ROBO2: variants seen among roughly 807,000 people sequenced by gnomAD.
The protein encoded by ROBO2 is roundabout guidance receptor 2, also known as roundabout homolog 2.
Under a neutral mutation model 160.8 loss-of-function variants are expected in ROBO2, and 53 were observed. That is an observed-to-expected ratio of 0.33 (90% CI 0.26 to 0.41). The LOEUF (loss-of-function observed/expected upper bound fraction) is 0.41, where lower values mean the gene tolerates loss of function less well. ROBO2 is among the 10% of genes least tolerant of loss of function. The pLI, the probability that ROBO2 is intolerant of heterozygous loss-of-function variation, is 1.00. For synonymous variants in ROBO2, 664 were observed against 611.7 expected, an observed-to-expected ratio of 1.09 and a Z score of -1.26; for missense variants, 1,577 against 1,722.4, an observed-to-expected ratio of 0.92 and a Z score of 1.49.
chr3:76,753,420 A>G (rs947153361), intron 2 of ROBO2, among the ~76,000 whole-genome samples: 1 of 151,856 alleles, frequency 6.6e-6, no homozygotes, highest in Non-Finnish European at 1.5e-5. Context: ...TCAATAATGT[A>G]TGAATCCAAT....
intron 2 of ROBO2, among the ~76,000 whole-genome samples, chr3:76,643,395 C>T (rs73120429): frequency 0.03 from 4,535 of 152,190 alleles, 80 homozygotes; most frequent in Middle Eastern, 0.071. Context: ...TCTGAGATTA[C>T]AGTTTTTTAA....
intron 2 of ROBO2, among the ~76,000 whole-genome samples, chr3:76,938,603 G>A (rs1367494486): frequency 2.6e-5 from 4 of 152,054 alleles, no homozygotes; most frequent in Admixed American, 6.6e-5. Flanking sequence ...CAGGTGGCTA[G>A]CCAGCTGCTC....
At chr3:76,139,637 T>G (rs1169985135) in intron 2 of ROBO2, among the ~76,000 whole-genome samples, 1 of 152,086 alleles carries the variant, frequency 6.6e-6, no homozygotes, top group East Asian at 1.9e-4. Flanking sequence ...ATGACCTCTG[T>G]GGGTCTCTTC....
intron 2 of ROBO2, among the ~76,000 whole-genome samples, chr3:76,593,638 T>C (rs2108852009): frequency 6.6e-6 from 1 of 152,206 alleles, no homozygotes; most frequent in South Asian, 2.1e-4. Context: ...TTAGATATTT[T>C]GATGAATGAA....
rs140024613 is a variant in ROBO2 at position 77,165,994 on chromosome 3, C to T, written c.388+67654C>T. 6.2e-3 allele frequency among the ~76,000 whole-genome samples: 950 copies of T among 152,276 alleles called. 11 individuals carry two copies. Among genetic ancestry groups the T allele is most frequent in the African/African-American group, 0.02 (833 of 41,554 alleles). ...TCTATCTCTCTCTGTATGTACAACACGTACCATTTGAGTGTGTTATTTGCA... is the reference window on the plus strand; with the variant it reads ...TCTATCTCTCTCTGTATGTACAACATGTACCATTTGAGTGTGTTATTTGCA... On this transcript the variant is annotated intron_variant, in intron 2 of 25. Coordinates refer to ENST00000461745, the Ensembl canonical transcript of ROBO2.
chr3:76,191,487 C>T (rs1303544063), intron 2 of ROBO2, among the ~76,000 whole-genome samples: 6 of 69,968 alleles, frequency 8.6e-5, no homozygotes, highest in South Asian at 8.5e-4. Flanking sequence ...TCAGACATCC[C>T]GTTATTAAAG....
chr3:76,897,645 C>G (rs1348337615), intron 2 of ROBO2, among the ~76,000 whole-genome samples: 2 of 151,652 alleles, frequency 1.3e-5, no homozygotes, highest in Non-Finnish European at 2.9e-5. Context: ...TGCTTCTTTC[C>G]TTTGGTGAAT....
intron 2 of ROBO2, among the ~76,000 whole-genome samples, chr3:76,066,458 A>G (rs1004136762): frequency 1.3e-5 from 2 of 152,126 alleles, no homozygotes; most frequent in African/African-American, 4.8e-5. Flanking sequence ...AATATTTTTT[A>G]TAATGAACCA....
chr3:77,019,876 C>G (rs1254263238), intron 2 of ROBO2, among the ~76,000 whole-genome samples: 1 of 152,118 alleles, frequency 6.6e-6, no homozygotes, highest in African/African-American at 2.4e-5. Flanking sequence ...AACTTTGGAT[C>G]CCAGATTCAG....
chr3:77,006,137 TA>T (rs1345676749), intron 2 of ROBO2, among the ~76,000 whole-genome samples: 5 of 152,102 alleles, frequency 3.3e-5, no homozygotes, highest in African/African-American at 1.2e-4. Context: ...ACATCAGTAG[TA>T]CAAGTAGTCT....
At chr3:76,491,011 G>C (rs2079790076) in intron 2 of ROBO2, among the ~76,000 whole-genome samples, 1 of 151,868 alleles carries the variant, frequency 6.6e-6, no homozygotes, top group African/African-American at 2.4e-5. Flanking sequence ...TCAGGCTGGA[G>C]TGCAGTGGTG....
intron 2 of ROBO2, among the ~76,000 whole-genome samples, chr3:77,428,304 T>C (rs2078405844): frequency 6.6e-6 from 1 of 151,958 alleles, no homozygotes; most frequent in South Asian, 2.1e-4. Flanking sequence ...TGTAATATTT[T>C]GTGTTTGAGG....
At chr3:77,627,537 A>G (rs2095056324) in intron 23 of ROBO2, among the ~76,000 whole-genome samples, 1 of 151,910 alleles carries the variant, frequency 6.6e-6, no homozygotes, top group South Asian at 2.1e-4. Flanking sequence ...TGCCCATTTT[A>G]GCCTCCCAGA....
chr3:77,460,893 A>G (rs2082170527), intron 2 of ROBO2, among the ~76,000 whole-genome samples: 1 of 152,116 alleles, frequency 6.6e-6, no homozygotes, highest in Admixed American at 6.5e-5. Flanking sequence ...TAAGGTACTG[A>G]TGTATTATGA....
intron 2 of ROBO2, among the ~76,000 whole-genome samples, chr3:76,021,474 A>G (rs17013671): frequency 2.6e-5 from 4 of 151,736 alleles, no homozygotes; most frequent in Non-Finnish European, 5.9e-5. Flanking sequence ...AAGCTCTGCC[A>G]TACCTGTATC....
At chr3:76,399,965 A>G (rs1436604809) in intron 2 of ROBO2, among the ~76,000 whole-genome samples, 9 of 151,690 alleles carry the variant, frequency 5.9e-5, no homozygotes. Context: ...TTTACTCCAT[A>G]AATTCAGGGT....
chr3:76,893,167 G>A (rs1483907502), intron 2 of ROBO2, among the ~76,000 whole-genome samples: 1 of 151,702 alleles, frequency 6.6e-6, no homozygotes, highest in Non-Finnish European at 1.5e-5. Flanking sequence ...AGTTATTTTT[G>A]CAATGTTATC....
intron 2 of ROBO2, among the ~76,000 whole-genome samples, chr3:77,190,421 T>C (rs2081725273): frequency 6.6e-6 from 1 of 152,040 alleles, no homozygotes; most frequent in South Asian, 2.1e-4. Context: ...AACGATATTG[T>C]CTGAGTGCTC....
intron 2 of ROBO2, among the ~76,000 whole-genome samples, chr3:76,056,386 A>G (rs1452002303): frequency 1.3e-5 from 2 of 152,204 alleles, no homozygotes; most frequent in African/African-American, 4.8e-5. Context: ...AACCCTGCTT[A>G]TAAAACCTTT....
Sources: allele counts gnomAD v4.1 joint callset (sites outside exome capture counted in the v4.1 genomes callset), GRCh38; gene constraint gnomAD v4.1.1; transcripts MANE v1.5; gene names NCBI Gene and HGNC (gene_info 2026-07-23, HGNC 2026-07-21).